The following GRIA3 variants were observed in gnomAD, a reference collection of about 807,000 sequenced individuals.
The protein encoded by GRIA3 is glutamate receptor 3.
Under a neutral mutation model 63.0 loss-of-function variants are expected in GRIA3, and 3 were observed. The ratio of observed to expected loss-of-function variants is 0.05; its 90% CI spans 0.02 to 0.12. The LOEUF is 0.12. Ranked by LOEUF, GRIA3 falls within the 10% of genes least tolerant of loss-of-function variation. The pLI is 1.00. For synonymous variants in GRIA3, 274 were observed against 257.9 expected (o/e 1.06, Z -0.60); for missense variants, 347 against 700.9 (o/e 0.50, Z 5.70).
intron 11 of GRIA3, among the ~76,000 whole-genome samples, chrX:123,425,170 T>C (rs1463864996): frequency 2.7e-5 from 3 of 111,934 alleles, no homozygotes; most frequent in Non-Finnish European, 5.6e-5. Context: ...CTTCTATAAC[T>C]TGCACACCAT....
At chrX:123,463,883 CAA>C (rs1225379733) in intron 12 of GRIA3, among the ~76,000 whole-genome samples, 1 of 109,848 alleles carries the variant, frequency 9.1e-6, no homozygotes, top group Non-Finnish European at 1.9e-5. Flanking sequence ...AAATAAGAAG[CAA>C]AAGTTTGTTG....
At chrX:123,227,784 T>C (rs1478658667) in intron 2 of GRIA3, among the ~76,000 whole-genome samples, 1 of 112,426 alleles carries the variant, frequency 8.9e-6, no homozygotes, top group East Asian at 2.8e-4. Context: ...AGTTGAATAG[T>C]TCAAGTATTG....
intron 2 of GRIA3, among the ~76,000 whole-genome samples, chrX:123,204,244 A>G (rs1439076244): frequency 8.9e-6 from 1 of 111,943 alleles, no homozygotes; most frequent in African/African-American, 3.3e-5. Flanking sequence ...AGATCACACT[A>G]CTTAGATGAG....
chrX:123,321,940 C>T (rs1217081126), intron 3 of GRIA3, among the ~76,000 whole-genome samples: 3 of 111,344 alleles, frequency 2.7e-5, no homozygotes, highest in Non-Finnish European at 5.7e-5. Context: ...AGAGTTACCT[C>T]GCTGGGGGTA....
intron 2 of GRIA3, among the ~76,000 whole-genome samples, chrX:123,227,476 G>A (rs1347236678): frequency 8.9e-6 from 1 of 112,072 alleles, no homozygotes; most frequent in Non-Finnish European, 1.9e-5. Flanking sequence ...GCACTTGCCA[G>A]CAAGAAGGGT....
intron 14 of GRIA3, among the ~76,000 whole-genome samples, chrX:123,482,512 A>G (rs897029032): frequency 8.9e-6 from 1 of 111,978 alleles, no homozygotes; most frequent in Admixed American, 9.5e-5. Context: ...TCCCATGGCC[A>G]AGTGCTGTTT....
At position 123,403,058 on chromosome X, in the gene GRIA3, C is replaced by T; in HGVS notation, c.1145C>T (p.Thr382Ile). 1 of 1,170,134 alleles carries T rather than the reference C, an allele frequency of 8.5e-7. No homozygotes were observed. Among genetic ancestry groups the T allele is most frequent in the Non-Finnish European group, 1.2e-6 (1 of 858,304 alleles). The change falls in exon 8 of 16, where the codon ACC becomes ATC. Residue 382 changes from threonine to isoleucine, a missense_variant. Physicochemically the swap from Thr to Ile is moderately conservative, Grantham distance 89. Coordinates refer to ENST00000620443, the MANE Select transcript of GRIA3 (RefSeq NM_007325.5). Reference sequence around the variant, plus strand: ...ACTTATGGACGTAGGACAAATTATACCATCGATGTGTATGAAATGAAAGTC... The same window carrying T: ...ACTTATGGACGTAGGACAAATTATATCATCGATGTGTATGAAATGAAAGTC... ...FDTYGRRTNYTIDVYEMKVSG... is the reference protein window; with the variant it reads ...FDTYGRRTNYIIDVYEMKVSG...
chrX:123,196,811 C>T (rs1430595197), intron 2 of GRIA3, among the ~76,000 whole-genome samples: 1 of 111,977 alleles, frequency 8.9e-6, no homozygotes, highest in African/African-American at 3.3e-5. Flanking sequence ...TGGAGATAAA[C>T]TCCTGAGGTG....
At chrX:123,197,558 G>A (rs1270761646) in intron 2 of GRIA3, among the ~76,000 whole-genome samples, 1 of 111,936 alleles carries the variant, frequency 8.9e-6, no homozygotes, top group Non-Finnish European at 1.9e-5. Flanking sequence ...CAACAACAAA[G>A]ACATTCTGTC....
intron 4 of GRIA3, among the ~76,000 whole-genome samples, chrX:123,347,362 A>G (rs1480577402): frequency 8.9e-6 from 1 of 112,471 alleles, no homozygotes; most frequent in African/African-American, 3.2e-5. Flanking sequence ...GTAGAAAGAG[A>G]AATCTGCCAA....
chrX:123,326,855 A>G (rs1379220460), intron 4 of GRIA3, among the ~76,000 whole-genome samples: 1 of 111,413 alleles, frequency 9.0e-6, no homozygotes, highest in Admixed American at 9.5e-5. Context: ...GACCCATTAC[A>G]TGCTGACAAT....
intron 5 of GRIA3, chrX:123,358,207 G>C (rs955721450): frequency 9.0e-6 from 1 of 111,642 alleles, no homozygotes; most frequent in African/African-American, 3.2e-5. Context: ...GCTGAGGGTG[G>C]ATATCTATAT....
intron 12 of GRIA3, among the ~76,000 whole-genome samples, chrX:123,433,238 A>G (rs1301379308): frequency 8.9e-6 from 1 of 111,968 alleles, no homozygotes; most frequent in Admixed American, 9.5e-5. Flanking sequence ...TAGGGCATAA[A>G]GACACATATT....
chrX:123,308,782 C>T (rs779573489), intron 3 of GRIA3, among the ~76,000 whole-genome samples: 1 of 112,134 alleles, frequency 8.9e-6, no homozygotes, highest in Non-Finnish European at 1.9e-5. Flanking sequence ...GCTGCCGCCA[C>T]ATCACTCATG....
chrX:123,332,794 C>G (rs2044950334), intron 4 of GRIA3, among the ~76,000 whole-genome samples: 1 of 111,785 alleles, frequency 8.9e-6, no homozygotes, highest in African/African-American at 3.3e-5. Flanking sequence ...CTCTTCTCCA[C>G]AACTACTGCC....
At chrX:123,329,939 G>A (rs1043468166) in intron 4 of GRIA3, among the ~76,000 whole-genome samples, 3 of 111,789 alleles carry the variant, frequency 2.7e-5, no homozygotes, top group Non-Finnish European at 5.7e-5. Flanking sequence ...TTATGGCTTT[G>A]TTGCACCTTT....
chrX:123,339,073 G>C (rs1336349501), intron 4 of GRIA3, among the ~76,000 whole-genome samples: 1 of 111,982 alleles, frequency 8.9e-6, no homozygotes, highest in Admixed American at 9.5e-5. Context: ...AGGAAGACTA[G>C]GATGTTTCAT....
At chrX:123,407,134 C>T (rs2045478635) in intron 10 of GRIA3, among the ~76,000 whole-genome samples, 1 of 111,653 alleles carries the variant, frequency 9.0e-6, no homozygotes, top group African/African-American at 3.3e-5. Flanking sequence ...ATTACTACTA[C>T]TACTATTACC....
chrX:123,273,144 C>A (rs1205462511), intron 3 of GRIA3, among the ~76,000 whole-genome samples: 1 of 111,418 alleles, frequency 9.0e-6, no homozygotes, highest in Non-Finnish European at 1.9e-5. Context: ...TTTGCCTGGG[C>A]CCTTCGTCCC....
Sources: allele counts gnomAD v4.1 joint callset (sites outside exome capture counted in the v4.1 genomes callset), GRCh38; gene constraint gnomAD v4.1.1; transcripts MANE v1.5; gene names NCBI Gene and HGNC (gene_info 2026-07-23, HGNC 2026-07-21).